The following CDH13 variants were observed in gnomAD, a reference collection of about 807,000 sequenced individuals.
CDH13 encodes cadherin 13, also known as cadherin-13.
A neutral mutation model predicts 63.8 loss-of-function variants in CDH13; 24 were observed. That is an observed-to-expected ratio of 0.38 (90% CI 0.27 to 0.53). CDH13 has a LOEUF of 0.53. Ranked by LOEUF, CDH13 falls within the 20% of genes least tolerant of loss-of-function variation. The pLI is 0.85. For missense variants in CDH13, 1,049 were observed against 903.1 expected (o/e 1.16, Z -2.07); for synonymous variants, 503 against 355.3 (o/e 1.42, Z -4.67).
intron 6 of CDH13, among the ~76,000 whole-genome samples, chr16:83,408,078 T>C (rs1302390841): frequency 6.6e-6 from 1 of 152,200 alleles, no homozygotes; most frequent in Non-Finnish European, 1.5e-5. Context: ...TTTAGCTGTG[T>C]TGGGGACAAC....
chr16:83,260,068 T>C (rs1038823820), intron 5 of CDH13, among the ~76,000 whole-genome samples: 6 of 4,306 alleles, frequency 1.4e-3, no homozygotes, highest in African/African-American at 3.9e-3. Flanking sequence ...ATATAATAGT[T>C]TTTTTTTTTT....
chr16:83,562,381 C>A (rs2075724663), intron 7 of CDH13, among the ~76,000 whole-genome samples: 1 of 152,142 alleles, frequency 6.6e-6, no homozygotes, highest in South Asian at 2.1e-4. Context: ...CAAACAGCAC[C>A]AACTTCTTTT....
chr16:83,478,839 A>G (rs1265137217), intron 6 of CDH13, among the ~76,000 whole-genome samples: 1 of 135,062 alleles, frequency 7.4e-6, no homozygotes, highest in African/African-American at 3.2e-5. Context: ...AAGATGAGAA[A>G]AAAAAAAAAA....
chr16:83,119,050 C>T (rs1328602728), intron 3 of CDH13, among the ~76,000 whole-genome samples: 3 of 152,126 alleles, frequency 2.0e-5, no homozygotes, highest in Admixed American at 6.5e-5. Context: ...TAGCACACAC[C>T]AAAAGCTGCT....
intron 2 of CDH13, among the ~76,000 whole-genome samples, chr16:82,998,891 C>A: frequency 7.1e-6 from 1 of 140,276 alleles, no homozygotes; most frequent in South Asian, 2.3e-4. Context: ...CAGATACTGC[C>A]CCTTCTCATT....
At chr16:82,885,593 A>G (rs989448337) in intron 2 of CDH13, among the ~76,000 whole-genome samples, 1 of 151,988 alleles carries the variant, frequency 6.6e-6, no homozygotes, top group East Asian at 1.9e-4. Flanking sequence ...CCTTCTATCC[A>G]TCTGTCCTTC....
intron 7 of CDH13, among the ~76,000 whole-genome samples, chr16:83,567,220 C>A (rs1372438650): frequency 6.6e-6 from 1 of 152,208 alleles, no homozygotes; most frequent in Non-Finnish European, 1.5e-5. Context: ...TCAGTGTATT[C>A]TCTAAAACCA....
chr16:83,626,204 C>G (rs553943352), intron 8 of CDH13, among the ~76,000 whole-genome samples: 1 of 152,038 alleles, frequency 6.6e-6, no homozygotes, highest in Non-Finnish European at 1.5e-5. Context: ...CTGATTTTGC[C>G]GTACCGCGTG....
chr16:83,308,826 G>A (rs2089937235), intron 5 of CDH13, among the ~76,000 whole-genome samples: 1 of 152,232 alleles, frequency 6.6e-6, no homozygotes, highest in African/African-American at 2.4e-5. Flanking sequence ...AATCTTTGCA[G>A]AAGTTGAAGT....
At chr16:83,067,270 G>C (rs1324990666) in intron 3 of CDH13, among the ~76,000 whole-genome samples, 1 of 152,148 alleles carries the variant, frequency 6.6e-6, no homozygotes, top group Non-Finnish European at 1.5e-5. Flanking sequence ...TGGAGGCTCT[G>C]CATAGTACAG....
At chr16:83,493,861 T>G (rs1257941803) in intron 7 of CDH13, among the ~76,000 whole-genome samples, 1 of 152,182 alleles carries the variant, frequency 6.6e-6, no homozygotes, top group Admixed American at 6.5e-5. Flanking sequence ...GTTCAGGCGT[T>G]TTGGAGACAG....
chr16:82,852,141 T>G (rs928457779), intron 1 of CDH13, among the ~76,000 whole-genome samples: 2 of 152,182 alleles, frequency 1.3e-5, no homozygotes, highest in Non-Finnish European at 2.9e-5. Flanking sequence ...GCAGGAAGTT[T>G]CTCTCTTTAT....
Position 83,344,996 on chromosome 16 carries a change from G to C in CDH13, c.771G>C (p.Gly257=). Residue 257 remains glycine (G), a synonymous_variant, in exon 6 of 14, where the codon GGG becomes GGC. Transcript: ENST00000567109. ...CCTACATCGGCCACGTCATGGAAGG[G>C]TCACCCACAGGTATGTCACATTGGC... ...EGPYIGHVME[G]SPTGTTVMRM... The C allele has an allele frequency of 6.2e-7, 1 of 1,613,902 alleles. No individual in the cohort carries two copies. Among genetic ancestry groups the C allele is most frequent in the Non-Finnish European group, 8.5e-7 (1 of 1,179,812 alleles).
At chr16:82,961,140 C>G (rs560656716) in intron 2 of CDH13, among the ~76,000 whole-genome samples, 2 of 152,278 alleles carry the variant, frequency 1.3e-5, no homozygotes, top group Non-Finnish European at 2.9e-5. Context: ...GCAGCTGAAT[C>G]CGACTCAGGC....
chr16:83,742,260 G>A (rs1597158958), intron 10 of CDH13, among the ~76,000 whole-genome samples: 1 of 152,098 alleles, frequency 6.6e-6, no homozygotes, highest in African/African-American at 2.4e-5. Context: ...CCAGGGTGGC[G>A]CAGGCCCCAG....
intron 2 of CDH13, among the ~76,000 whole-genome samples, chr16:82,971,333 T>C (rs1025862385): frequency 2.0e-5 from 3 of 152,242 alleles, no homozygotes; most frequent in African/African-American, 7.2e-5. Context: ...CCTGTTCTCT[T>C]ATTCTCATGT....
Position 83,779,405 on chromosome 16 carries a change from T to TAAAAAAAAAAAAAAAA in CDH13, c.1682-563_1682-562insAAAAAAAAAAAAAAAA, listed in dbSNP as rs1174439191. Among the ~76,000 whole-genome samples, 5 of 67,810 alleles carry TAAAAAAAAAAAAAAAA rather than the reference T, an allele frequency of 7.4e-5. 2 individuals are homozygous for TAAAAAAAAAAAAAAAA. The highest frequency in any genetic ancestry group is 2.5e-4 in the African/African-American group (4 of 15,958). 44.5% of individuals were successfully genotyped at this position (67,810 alleles called of 152,430 possible). A position where few individuals can be genotyped will look rare whatever the true frequency, so the allele number is the denominator to read the frequency against. The stretch of plus-strand genomic sequence containing the variant: ...CCGGGCGACAGCGCGAGACTCCATC[T>TAAAAAAAAAAAAAAAA]CAAAAAAAAAAAAAAAAAAAAAAAA... On this transcript the variant is annotated intron_variant, in intron 11 of 13. Coordinates refer to ENST00000567109, the MANE Select transcript of CDH13 (RefSeq NM_001257.5).
At chr16:83,471,275 C>CTTTTT (rs34765413) in intron 6 of CDH13, among the ~76,000 whole-genome samples, 5 of 121,994 alleles carry the variant, frequency 4.1e-5, no homozygotes, top group African/African-American at 6.3e-5. Flanking sequence ...TCTAACCACC[C>CTTTTT]TTTTTTTTTT....
intron 4 of CDH13, among the ~76,000 whole-genome samples, chr16:83,162,019 G>A (rs554140780): frequency 6.6e-6 from 1 of 152,320 alleles, no homozygotes; most frequent in African/African-American, 2.4e-5. Flanking sequence ...TCAGAAGTAA[G>A]TAAAGTCAGC....
Sources: gnomAD v4.1 joint callset for allele counts (sites outside exome capture counted in the v4.1 genomes callset) on GRCh38, gnomAD v4.1.1 for gene constraint, MANE v1.5 for transcripts, NCBI Gene and HGNC (gene_info 2026-07-23, HGNC 2026-07-21) for gene names.